Variants in POLQ observed in about 807,000 individuals in gnomAD.
POLQ encodes DNA polymerase theta, also known as epididymis secretory sperm binding protein.
In POLQ, 233 loss-of-function variants were observed where a neutral mutation model predicts 259.2. The ratio of observed to expected loss-of-function variants is 0.90; its 90% CI spans 0.81 to 1.00. The LOEUF is 1.00. Among genes scored for constraint, POLQ ranks in the 50% least tolerant of loss-of-function variants. The probability of loss-of-function intolerance (pLI) is 0.00; values close to 1 mark genes in which losing one functional copy is unlikely to be tolerated. For missense variants in POLQ, 2,871 were observed against 3,051.6 expected (o/e 0.94, Z 1.39); for synonymous variants, 1,025 against 1,048.8 (o/e 0.98, Z 0.44).
intron 26 of POLQ, among the ~76,000 whole-genome samples, chr3:121,447,772 G>A (rs915381721): frequency 1.3e-5 from 2 of 152,160 alleles, no homozygotes; most frequent in African/African-American, 4.8e-5. Flanking sequence ...ATTTGTCTGA[G>A]AAAGTCTTTA....
rs535880169 is a variant in POLQ, at chr3:121,510,121, C to A, written c.1734G>T (p.Gln578His). The change falls in exon 11 of 30, where the codon CAG (glutamine) becomes CAT (histidine). Residue 578 changes from glutamine to histidine, a missense_variant. This residue lies in a region of POLQ where 783 missense variants were observed against 906.2 expected (regional missense o/e 0.86). Coordinates refer to ENST00000264233, the MANE Select transcript of POLQ (RefSeq NM_199420.4). ...TCACACAGGCCTCAATCGCTCCAAG[C>A]TGAACAGACTCTTGATTTCTCTGAA... ...QGIQRNQESV[Q>H]LGAIEACVMW... 1 of 1,614,094 alleles carries A rather than the reference C, an allele frequency of 6.2e-7. No homozygotes were observed. The highest frequency in any genetic ancestry group is 1.7e-5 in the Admixed American group (1 of 60,028).
At chr3:121,536,644 A>T (rs1304993236) in intron 5 of POLQ, among the ~76,000 whole-genome samples, 1 of 152,112 alleles carries the variant, frequency 6.6e-6, no homozygotes, top group Non-Finnish European at 1.5e-5. Context: ...AACCTGAAAT[A>T]CTTTTTCTGT....
At chr3:121,523,233 T>A (rs2048350164) in intron 7 of POLQ, among the ~76,000 whole-genome samples, 1 of 152,016 alleles carries the variant, frequency 6.6e-6, no homozygotes. Flanking sequence ...TTGCCCAGGC[T>A]GGTTTCAAAT....
At chr3:121,459,677 G>T (rs745689227) in intron 25 of POLQ, among the ~76,000 whole-genome samples, 5 of 152,116 alleles carry the variant, frequency 3.3e-5, no homozygotes, top group African/African-American at 1.2e-4. Context: ...CACCGCGCCC[G>T]GCCTGGAAAG....
chr3:121,543,255 AC>A (rs1576431567), intron 2 of POLQ, among the ~76,000 whole-genome samples: 1 of 152,248 alleles, frequency 6.6e-6, no homozygotes, highest in African/African-American at 2.4e-5. Context: ...CAATTATGCC[AC>A]TGCCACTAAC....
rs1474486409 is a variant in POLQ at position 121,488,038 on chromosome 3, C to T, written c.4893G>A (p.Trp1631Ter). The T allele has an allele frequency of 3.7e-6, 6 of 1,613,726 alleles. No homozygotes were observed. In the South Asian group the frequency reaches 4.4e-5, roughly 12 times the overall value. Residue 1631 changes from tryptophan (W) to a stop codon, truncating the protein, a stop_gained, in exon 16 of 30, where the codon TGG (tryptophan) becomes TGA (stop). Transcript: ENST00000264233. LOFTEE classifies it high-confidence loss of function. ...TGTRQNHSFI[W>*]SGASFDLSPG... ...GACTTAGATCAAATGATGCCCCTGA[C>T]CATATGAATGAATGATTTTGCCTGG...
intron 8 of POLQ, 22 bp from the exon 9 acceptor site, chr3:121,520,105 A>T (rs2108812531): frequency 7.4e-7 from 1 of 1,355,924 alleles, no homozygotes; most frequent in East Asian, 2.3e-5. Flanking sequence ...AGGTTTTTAT[A>T]TATTTATTGA....
chr3:121,432,860 G>T, intron 29 of POLQ, 58 bp downstream of exon 29: 2 of 1,005,456 alleles, frequency 2.0e-6, no homozygotes, highest in East Asian at 2.4e-5. Flanking sequence ...AAAGCTGTCG[G>T]CCTGACAATA....
chr3:121,452,316 C>A (rs2047685116), intron 25 of POLQ, among the ~76,000 whole-genome samples: 1 of 152,138 alleles, frequency 6.6e-6, no homozygotes, highest in Non-Finnish European at 1.5e-5. Context: ...GTGAGATGAA[C>A]CTGGTACCTC....
chr3:121,476,690 G>A lies in POLQ; in HGVS notation c.6255C>T (p.Ala2085=). 6.2e-7 allele frequency: 1 copy of A among 1,613,486 alleles called. No homozygotes were observed. The highest frequency in any genetic ancestry group is 1.7e-5 in the Admixed American group (1 of 59,910). Reference sequence around the variant, plus strand: ...AGCCAATTCCATTTAGTTCTAGCAAGGCCAAGCAGTACTGAGAGGGCATTT... The same window carrying A: ...AGCCAATTCCATTTAGTTCTAGCAAAGCCAAGCAGTACTGAGAGGGCATTT... The part of the protein sequence containing the change: ...KVEMPSQYCL[A]LLELNGIGFS... Residue 2085 remains alanine, a synonymous_variant, in exon 20 of 30, where the codon GCC becomes GCT. Coordinates refer to ENST00000264233, the MANE Select transcript of POLQ (RefSeq NM_199420.4).
At chr3:121,512,996 A>T (rs1338355234) in intron 9 of POLQ, among the ~76,000 whole-genome samples, 3 of 152,240 alleles carry the variant, frequency 2.0e-5, no homozygotes, top group Non-Finnish European at 4.4e-5. Flanking sequence ...ACAACTATAC[A>T]ATTTGAACAA....
At chr3:121,539,610 C>T in intron 3 of POLQ, 21 bp from the exon 4 acceptor site, 1 of 1,600,936 alleles carries the variant, frequency 6.2e-7, no homozygotes, top group South Asian at 1.1e-5. Context: ...TAAAAAGGAA[C>T]AATACAGGTG....
intron 12 of POLQ, among the ~76,000 whole-genome samples, chr3:121,503,815 G>A (rs761641883): frequency 5.3e-5 from 8 of 152,164 alleles, no homozygotes; most frequent in Non-Finnish European, 1.2e-4. Flanking sequence ...ATACTGTATT[G>A]TTTAGGGAAT....
At chr3:121,481,479 G>A (rs2047969516) in intron 19 of POLQ, 93 bp downstream of exon 19, 2 of 1,136,420 alleles carry the variant, frequency 1.8e-6, no homozygotes. Context: ...GGTAGGATTT[G>A]CATAAATGTG....
At chr3:121,508,997 T>G (rs1396928599) in intron 12 of POLQ, among the ~76,000 whole-genome samples, 1 of 152,240 alleles carries the variant, frequency 6.6e-6, no homozygotes, top group East Asian at 1.9e-4. Flanking sequence ...TTGCATTTAT[T>G]ATAGAGATTT....
At chr3:121,510,857 G>A (rs1378270452) in intron 10 of POLQ, among the ~76,000 whole-genome samples, 2 of 151,302 alleles carry the variant, frequency 1.3e-5, no homozygotes, top group East Asian at 1.9e-4. Context: ...ATGCCAAGGC[G>A]GGCAGATCAC....
At chr3:121,446,356 T>A (rs1398511939) in intron 26 of POLQ, among the ~76,000 whole-genome samples, 1 of 152,216 alleles carries the variant, frequency 6.6e-6, no homozygotes, top group Non-Finnish European at 1.5e-5. Flanking sequence ...TAACATATAG[T>A]CTATCCTAGA....
intron 9 of POLQ, among the ~76,000 whole-genome samples, chr3:121,515,553 C>G (rs1482755225): frequency 6.6e-6 from 1 of 152,238 alleles, no homozygotes; most frequent in African/African-American, 2.4e-5. Context: ...TAGCAGAGCC[C>G]AGCCAGCAGT....
chr3:121,460,049 C>A lies in POLQ; in HGVS notation c.7152+1G>T. ...ATATTAACCATGTTCACTAAAATCA[C>A]CTGTTTTGCCTGCTGCCTCAGATCA... On this transcript the variant is annotated splice_donor_variant, in intron 25 of 29. Transcript: ENST00000264233. LOFTEE classifies it high-confidence loss of function. 6.2e-7 allele frequency: 1 copy of A among 1,610,784 alleles called. No individual in the cohort carries two copies.
Sources: allele counts gnomAD v4.1 joint callset (sites outside exome capture counted in the v4.1 genomes callset), GRCh38; gene constraint gnomAD v4.1.1; regional missense constraint gnomAD v4.1.1; transcripts MANE v1.5; gene names NCBI Gene and HGNC (gene_info 2026-07-23, HGNC 2026-07-21).